TMEM67: variants seen among roughly 807,000 people sequenced by gnomAD.
TMEM67 encodes meckelin.
Under a neutral mutation model 136.6 loss-of-function variants are expected in TMEM67, and 124 were observed. That is an observed-to-expected ratio of 0.91 (90% CI 0.78 to 1.05). TMEM67 has a LOEUF of 1.05. Among genes scored for constraint, TMEM67 ranks in the 50% least tolerant of loss-of-function variants. The pLI, the probability that TMEM67 is intolerant of heterozygous loss-of-function variation, is 0.00. For synonymous variants in TMEM67, 364 were observed against 390.5 expected, an observed-to-expected ratio of 0.93 and a Z score of 0.80; for missense variants, 1,107 against 1,178.4, an observed-to-expected ratio of 0.94 and a Z score of 0.89.
intron 23 of TMEM67, among the ~76,000 whole-genome samples, chr8:93,808,453 A>T (rs1366380165): frequency 0.062 from 39 of 626 alleles, 1 homozygote; most frequent in African/African-American, 0.13. Context: ...TATTATATAT[A>T]AATATATATT....
chr8:93,782,039 T>C (rs1813859353), intron 10 of TMEM67, among the ~76,000 whole-genome samples: 1 of 152,020 alleles, frequency 6.6e-6, no homozygotes, highest in South Asian at 2.1e-4. Context: ...CTGCTTCAGC[T>C]GGGAGCTGGA....
intron 26 of TMEM67, 39 bp from the exon 27 acceptor site, chr8:93,815,266 T>C: frequency 7.1e-7 from 1 of 1,406,270 alleles, no homozygotes; most frequent in Non-Finnish European, 9.6e-7. Context: ...TGTTCCTTTT[T>C]TAAATTTCTA....
chr8:93,821,816 A>C (rs953840974), downstream of TMEM67, among the ~76,000 whole-genome samples: 10 of 152,142 alleles, frequency 6.6e-5, no homozygotes, highest in Admixed American at 1.3e-4. Context: ...ACTTGAGCCC[A>C]GGGAGGTGGA....
At chr8:93,811,780 T>G (rs1228021135) in intron 26 of TMEM67, among the ~76,000 whole-genome samples, 1 of 151,988 alleles carries the variant, frequency 6.6e-6, no homozygotes, top group Non-Finnish European at 1.5e-5. Context: ...CCACTGCTAG[T>G]GAGCGCCGAG....
intron 3 of TMEM67, among the ~76,000 whole-genome samples, chr8:93,761,075 C>T (rs1362630613): frequency 6.6e-6 from 1 of 152,066 alleles, no homozygotes; most frequent in Non-Finnish European, 1.5e-5. Context: ...TTTGGGAGGC[C>T]GAGGCAGGTG....
chr8:93,794,944 T>G (rs1002835707), intron 16 of TMEM67: 4 of 188,506 alleles, frequency 2.1e-5, no homozygotes, highest in Middle Eastern at 2.4e-3. Context: ...ACTACATGGC[T>G]GGAACTGGCA....
rs748980606 is a variant in TMEM67, at chr8:93,755,176, T to TC, written c.223+42dup. 3.2e-6 allele frequency: 5 copies of TC among 1,578,454 alleles called. No homozygotes were observed. In the Admixed American group the frequency reaches 8.3e-5, roughly 26 times the overall value. On this transcript the variant is annotated intron_variant, in intron 1 of 27. Coordinates refer to ENST00000453321, the MANE Select transcript of TMEM67 (RefSeq NM_153704.6). ...CGGTGGGCCCTGGCAAAAGTAACACTCCCGCCTTGGTCGGCCCCTAGTCCC... is the reference window on the plus strand; with the variant it reads ...CGGTGGGCCCTGGCAAAAGTAACACTCCCCGCCTTGGTCGGCCCCTAGTCCC...
At chr8:93,808,609 T>A (rs1317456395) in intron 23 of TMEM67, among the ~76,000 whole-genome samples, 2 of 60,700 alleles carry the variant, frequency 3.3e-5, no homozygotes, top group East Asian at 8.3e-4. Flanking sequence ...GCAAAGGAGA[T>A]GATATAAAGA....
intron 3 of TMEM67, chr8:93,762,922 CT>C (rs765883879): frequency 4.3e-5 from 19 of 439,898 alleles, no homozygotes; most frequent in South Asian, 2.1e-4. Context: ...TTACCTGATT[CT>C]TTTTGTTTGT....
the TMEM67 span, among the ~76,000 whole-genome samples, chr8:93,829,361 G>GCTCTCT: frequency 2.4e-4 from 36 of 148,516 alleles, no homozygotes; most frequent in African/African-American, 7.7e-4. Context: ...CTTTATGAGT[G>GCTCTCT]CTCTCTCTCT....
intron 21 of TMEM67, 143 bp downstream of exon 21, chr8:93,799,901 GT>G: frequency 9.3e-6 from 4 of 430,228 alleles, no homozygotes; most frequent in Non-Finnish European, 1.6e-5. Context: ...CTAATGGTCA[GT>G]TCTTTTTTTT....
At chr8:93,829,321 T>C in the TMEM67 span, among the ~76,000 whole-genome samples, 2 of 152,052 alleles carry the variant, frequency 1.3e-5, no homozygotes, top group African/African-American at 4.8e-5. Context: ...ACTCTCTCAC[T>C]CAAGTCTTTC....
intron 16 of TMEM67, among the ~76,000 whole-genome samples, chr8:93,794,037 G>T (rs1007406247): frequency 6.6e-6 from 1 of 151,912 alleles, no homozygotes; most frequent in Non-Finnish European, 1.5e-5. Flanking sequence ...AATTACAGGC[G>T]CACACCACCA....
intron 6 of TMEM67, among the ~76,000 whole-genome samples, chr8:93,770,387 G>T (rs1488272790): frequency 6.6e-6 from 1 of 152,030 alleles, no homozygotes; most frequent in African/African-American, 2.4e-5. Flanking sequence ...TAACATAATA[G>T]AATTAACTGA....
intron 25 of TMEM67, 104 bp from the exon 26 acceptor site, chr8:93,809,681 A>G: frequency 1.4e-6 from 1 of 708,562 alleles, no homozygotes; most frequent in Non-Finnish European, 2.5e-6. Flanking sequence ...GATTTTCTTT[A>G]TATACTATTC....
In TMEM67 at chr8:93,793,277, G is replaced by A. The variant is rs1563469022; in HGVS notation, c.1655G>A (p.Ser552Asn). The change falls in exon 16 of 28, where the codon AGT (serine) becomes AAT (asparagine). Residue 552 changes from serine to asparagine, a missense_variant. Ser to Asn is a conservative substitution (Grantham distance 46). Coordinates refer to ENST00000453321, the MANE Select transcript of TMEM67 (RefSeq NM_153704.6). ...GCAGGATGGAAGAGGCGCATTGGGA[G>A]TCCCATGATTGATTTACAGGTATAA... ...KTAGWKRRIG[S>N]PMIDLQTVVK... 1.9e-6 allele frequency: 3 copies of A among 1,613,826 alleles called. No homozygotes were observed. The highest frequency in any genetic ancestry group is 1.7e-6 in the Non-Finnish European group (2 of 1,179,710).
rs1243998976 is a variant in TMEM67, at chr8:93,787,932, A to G, written c.1501A>G (p.Asn501Asp). Reference sequence around the variant, plus strand: ...CAGTGACATTGATATCAAAGATGCCAACAGCCAGTCTGTGAAGGTGAGTTC... The same window carrying G: ...CAGTGACATTGATATCAAAGATGCCGACAGCCAGTCTGTGAAGGTGAGTTC... Reference protein sequence around the residue: ...AYSDIDIKDANSQSVKVSFSV... With the variant: ...AYSDIDIKDADSQSVKVSFSV... Residue 501 changes from asparagine to aspartate, a missense_variant, in exon 14 of 28, where the codon AAC becomes GAC. Coordinates refer to ENST00000453321, the MANE Select transcript of TMEM67 (RefSeq NM_153704.6). The G allele has an allele frequency of 6.2e-7, 1 of 1,613,436 alleles. No individual in the cohort carries two copies. The highest frequency in any genetic ancestry group is 1.3e-5 in the African/African-American group (1 of 74,920).
chr8:93,823,648 G>T (rs2130812924), downstream of TMEM67, among the ~76,000 whole-genome samples: 1 of 152,222 alleles, frequency 6.6e-6, no homozygotes, highest in South Asian at 2.1e-4. Context: ...ATGTGCAAAG[G>T]CCCTGATGTG....
At chr8:93,791,230 A>T (rs781772604) in intron 14 of TMEM67, 33 bp from the exon 15 acceptor site, 1 of 1,414,604 alleles carries the variant, frequency 7.1e-7, no homozygotes, top group Non-Finnish European at 1.0e-6. Flanking sequence ...ATATAATTTC[A>T]GTATAGCTAA....
Sources: allele counts gnomAD v4.1 joint callset (sites outside exome capture counted in the v4.1 genomes callset), GRCh38; gene constraint gnomAD v4.1.1; transcripts MANE v1.5; gene names NCBI Gene and HGNC (gene_info 2026-07-23, HGNC 2026-07-21).